The following ARHGEF3 variants were observed in gnomAD, a reference collection of about 807,000 sequenced individuals.
ARHGEF3 encodes Rho guanine nucleotide exchange factor 3.
A neutral mutation model predicts 63.2 loss-of-function variants in ARHGEF3; 28 were observed. The observed-to-expected ratio is 0.44, with a 90% CI of 0.33 to 0.61. The LOEUF (loss-of-function observed/expected upper bound fraction) is 0.61, where lower values mean the gene tolerates loss of function less well. Among genes scored for constraint, ARHGEF3 ranks in the 20% least tolerant of loss-of-function variants. The pLI is 0.03. For missense variants in ARHGEF3, 533 were observed against 659.3 expected, an observed-to-expected ratio of 0.81 and a Z score of 2.10; for synonymous variants, 266 against 254.2, an observed-to-expected ratio of 1.05 and a Z score of -0.44.
intron 4 of ARHGEF3, among the ~76,000 whole-genome samples, chr3:56,854,119 C>G (rs544133268): frequency 1.3e-5 from 2 of 152,084 alleles, no homozygotes; most frequent in African/African-American, 4.8e-5. Context: ...GGTGTGAACC[C>G]GAGAGGCAGA....
chr3:56,822,161 C>T (rs2038531856), intron 4 of ARHGEF3, among the ~76,000 whole-genome samples: 1 of 152,154 alleles, frequency 6.6e-6, no homozygotes, highest in African/African-American at 2.4e-5. Context: ...GTACTAGGAA[C>T]TATGTTAAAT....
chr3:56,858,331 T>C (rs575982512), intron 4 of ARHGEF3, among the ~76,000 whole-genome samples: 1 of 152,146 alleles, frequency 6.6e-6, no homozygotes, highest in Non-Finnish European at 1.5e-5. Flanking sequence ...TGCATTTTTA[T>C]AGCTGAGTAC....
intron 2 of ARHGEF3, among the ~76,000 whole-genome samples, chr3:56,989,114 T>A (rs899369447): frequency 6.6e-6 from 1 of 152,216 alleles, no homozygotes; most frequent in Non-Finnish European, 1.5e-5. Context: ...TTCAGTTGAT[T>A]ACTTCGTCCA....
intron 3 of ARHGEF3, among the ~76,000 whole-genome samples, chr3:56,917,511 G>T (rs4681713): frequency 6.6e-6 from 1 of 152,112 alleles, no homozygotes; most frequent in Non-Finnish European, 1.5e-5. Flanking sequence ...CAAGCTTCCG[G>T]TCTAACAGAA....
intron 1 of ARHGEF3, among the ~76,000 whole-genome samples, chr3:56,784,486 T>G (rs2036708061): frequency 6.6e-6 from 1 of 152,058 alleles, no homozygotes; most frequent in Non-Finnish European, 1.5e-5. Flanking sequence ...AGCCACGGGG[T>G]CCAGAGGACA....
At chr3:57,036,926 T>C (rs1703987738) in intron 1 of ARHGEF3, among the ~76,000 whole-genome samples, 1 of 152,128 alleles carries the variant, frequency 6.6e-6, no homozygotes, top group African/African-American at 2.4e-5. Context: ...TTTAGATAAA[T>C]TCTCCAATCT....
chr3:56,821,484 A>AT (rs1392958891), intron 4 of ARHGEF3, among the ~76,000 whole-genome samples: 1 of 152,192 alleles, frequency 6.6e-6, no homozygotes, highest in African/African-American at 2.4e-5. Flanking sequence ...TTTAACACTA[A>AT]ATTATCCAAC....
intron 3 of ARHGEF3, among the ~76,000 whole-genome samples, chr3:56,933,706 C>T (rs1288524485): frequency 6.6e-6 from 1 of 152,178 alleles, no homozygotes; most frequent in East Asian, 1.9e-4. Context: ...AGGCTTGAGC[C>T]TCCATGTCCC....
intron 2 of ARHGEF3, among the ~76,000 whole-genome samples, chr3:56,968,740 A>G (rs1700777608): frequency 6.6e-6 from 1 of 152,158 alleles, no homozygotes. Flanking sequence ...ACAGGAAAAA[A>G]GTGTTAGAGA....
At chr3:57,047,077 G>C (rs1199742811) in intron 1 of ARHGEF3, among the ~76,000 whole-genome samples, 1 of 152,214 alleles carries the variant, frequency 6.6e-6, no homozygotes, top group Non-Finnish European at 1.5e-5. Flanking sequence ...GACCTGGTGT[G>C]GTGGCTAACG....
At chr3:57,063,707 G>A (rs573579833) in intron 1 of ARHGEF3, among the ~76,000 whole-genome samples, 39 of 152,274 alleles carry the variant, frequency 2.6e-4, no homozygotes, top group African/African-American at 8.4e-4. Flanking sequence ...TCCATCACAC[G>A]CTGCTGGTAG....
intron 3 of ARHGEF3, among the ~76,000 whole-genome samples, chr3:56,922,553 C>T (rs1453167794): frequency 6.6e-6 from 1 of 151,994 alleles, no homozygotes; most frequent in Non-Finnish European, 1.5e-5. Flanking sequence ...AGTAATCTGC[C>T]TAGATCAAAA....
intron 2 of ARHGEF3, among the ~76,000 whole-genome samples, chr3:57,013,148 C>A (rs371760108): frequency 1.3e-5 from 2 of 152,224 alleles, no homozygotes; most frequent in Non-Finnish European, 2.9e-5. Context: ...CTGAGCCCCC[C>A]GCCCTGGCGG....
intron 4 of ARHGEF3, among the ~76,000 whole-genome samples, chr3:56,861,067 C>G (rs1388057510): frequency 1.3e-5 from 2 of 152,238 alleles, no homozygotes; most frequent in East Asian, 1.9e-4. Flanking sequence ...CTGTGCAAAT[C>G]TGCAAAGTCT....
chr3:56,875,907 T>C (rs1318395490), intron 4 of ARHGEF3, among the ~76,000 whole-genome samples: 1 of 152,138 alleles, frequency 6.6e-6, no homozygotes, highest in African/African-American at 2.4e-5. Flanking sequence ...TGCTGGGTGA[T>C]AAAGGCTAGG....
At chr3:56,958,839 G>C (rs931101379) in exon 3 of ARHGEF3, 2 of 1,551,472 alleles carry the variant, frequency 1.3e-6, no homozygotes, top group African/African-American at 2.7e-5. Context: ...GAAATTCCAG[G>C]CTTTAGGAGA....
chr3:56,930,959 T>A (rs574607219), intron 3 of ARHGEF3, among the ~76,000 whole-genome samples: 1 of 152,310 alleles, frequency 6.6e-6, no homozygotes, highest in Non-Finnish European at 1.5e-5. Flanking sequence ...CGCCTCTTAG[T>A]CACTCTGGAT....
At chr3:57,004,670 C>T (rs2107059150) in intron 2 of ARHGEF3, among the ~76,000 whole-genome samples, 1 of 152,338 alleles carries the variant, frequency 6.6e-6, no homozygotes, top group East Asian at 1.9e-4. Flanking sequence ...CATGCCTAGA[C>T]AATAATAGTT....
intron 4 of ARHGEF3, among the ~76,000 whole-genome samples, chr3:56,867,009 C>T (rs2040272432): frequency 6.6e-6 from 1 of 152,184 alleles, no homozygotes; most frequent in African/African-American, 2.4e-5. Context: ...TTTATTAGCT[C>T]ATAAAAGCCT....
Sources: allele counts gnomAD v4.1 joint callset (sites outside exome capture counted in the v4.1 genomes callset), GRCh38; gene constraint gnomAD v4.1.1; transcripts MANE v1.5; gene names NCBI Gene and HGNC (gene_info 2026-07-23, HGNC 2026-07-21).